Variants in CACNA1S observed in about 807,000 individuals in gnomAD.
CACNA1S encodes voltage-dependent L-type calcium channel subunit alpha-1S.
A neutral mutation model predicts 207.4 loss-of-function variants in CACNA1S; 126 were observed. The observed-to-expected ratio is 0.61, with a 90% confidence interval of 0.53 to 0.70. The LOEUF is 0.70. Among genes scored for constraint, CACNA1S ranks in the 30% least tolerant of loss-of-function variants. The pLI, the probability that CACNA1S is intolerant of heterozygous loss-of-function variation, is 0.00. For synonymous variants in CACNA1S, 960 were observed against 932.7 expected (o/e 1.03, Z -0.53); for missense variants, 2,349 against 2,422.8 (o/e 0.97, Z 0.64).
intron 27 of CACNA1S, 80 bp downstream of exon 27, chr1:201,059,109 G>T: frequency 1.1e-6 from 1 of 882,300 alleles, no homozygotes; most frequent in Non-Finnish European, 1.9e-6. Context: ...ATAGGATGAG[G>T]GATGGGGGTG....
At position 201,061,446 on chromosome 1, in the gene CACNA1S, A is replaced by C. The variant is rs1186406650; in HGVS notation, c.3076T>G (p.Ser1026Ala). 1 of 1,614,136 alleles carries C rather than the reference A, an allele frequency of 6.2e-7. No individual in the cohort carries two copies. Among genetic ancestry groups the C allele is most frequent in the East Asian group, 2.2e-5 (1 of 44,876 alleles). ...ATGGGACCCACGTCCTCCGCATTGG[A>C]GTCTATGGCCTTGTACAGCAGCCTG... is the stretch of plus-strand genomic sequence containing the variant. ...WPQLLYKAIDSNAEDVGPIYN... is the reference protein window; with the variant it reads ...WPQLLYKAIDANAEDVGPIYN... Residue 1026 changes from serine to alanine, a missense_variant, in exon 25 of 44, where the codon TCC (serine) becomes GCC (alanine). Physicochemically the swap from Ser to Ala is moderately conservative, Grantham distance 99. Coordinates refer to ENST00000362061, the MANE Select transcript of CACNA1S (RefSeq NM_000069.3).
chr1:201,091,539 G>T lies in CACNA1S; in HGVS notation c.694+101C>A, dbSNP rs762751971. 6.2e-6 allele frequency: 8 copies of T among 1,288,676 alleles called. No homozygotes were observed. The Admixed American group carries it at 1.3e-4, about 22-fold the overall frequency. The allele number at this position is 1,288,676 out of a possible 1,614,324, so 79.8% of individuals were successfully genotyped here. ...ATTCTCAAGGTCAACAGATGTGGGC[G>T]GCAATGGCTGAGCTCCGGGCTCCTT... On this transcript the variant is annotated intron_variant, in intron 5 of 43. Transcript: ENST00000362061.
At chr1:201,047,878 A>G (rs1300013671) in intron 36 of CACNA1S, among the ~76,000 whole-genome samples, 1 of 152,156 alleles carries the variant, frequency 6.6e-6, no homozygotes, top group Non-Finnish European at 1.5e-5. Flanking sequence ...GGTTGGTTTT[A>G]CAGGCTGTCA....
At chr1:201,069,058 C>T in intron 19 of CACNA1S, 79 bp downstream of exon 19, 1 of 1,261,136 alleles carries the variant, frequency 7.9e-7, no homozygotes, top group Non-Finnish European at 1.2e-6. Flanking sequence ...TTCTCTCCAG[C>T]CCCTGAGTTC....
In CACNA1S at chr1:201,110,217, C is replaced by A. The variant is rs1279858225; in HGVS notation, c.205G>T (p.Ala69Ser). 1.2e-6 allele frequency: 2 copies of A among 1,614,184 alleles called. No homozygotes were observed. The highest frequency in any genetic ancestry group is 1.7e-6 in the Non-Finnish European group (2 of 1,180,008). The change falls in exon 2 of 44, where the codon GCC (alanine) becomes TCC (serine). Residue 69 changes from alanine (A) to serine (S), a missense_variant. Transcript: ENST00000362061. Reference protein sequence around the residue: ...LTIFANCVALAVYLPMPEDDN... With the variant: ...LTIFANCVALSVYLPMPEDDN... Reference sequence around the variant, plus strand: ...TCTTCCGGCATGGGCAGGTACACGGCCAGGGCCACACAATTGGCAAAGATG... The same window carrying A: ...TCTTCCGGCATGGGCAGGTACACGGACAGGGCCACACAATTGGCAAAGATG...
At chr1:201,076,491 C>T (rs1176954490) in intron 12 of CACNA1S, among the ~76,000 whole-genome samples, 4 of 152,240 alleles carry the variant, frequency 2.6e-5, no homozygotes, top group East Asian at 3.8e-4. Context: ...GATAGTGAAT[C>T]GGCTGTGCCG....
chr1:201,051,135 G>T lies in CACNA1S; in HGVS notation c.3962C>A (p.Thr1321Lys), dbSNP rs775654393. The change falls in exon 33 of 44, where the codon ACA becomes AAA. Residue 1321 changes from threonine to lysine, a missense_variant. Coordinates refer to ENST00000362061, the MANE Select transcript of CACNA1S (RefSeq NM_000069.3). Reference protein sequence around the residue: ...QAVLLLFRCATGEAWQEILLA... With the variant: ...QAVLLLFRCAKGEAWQEILLA... The stretch of plus-strand genomic sequence containing the variant: ...TAGGATCTCCTGCCAGGCCTCACCT[G>T]TTGCACACCTAGAGGACAGAAGAGG... The T allele has an allele frequency of 5.6e-6, 9 of 1,614,086 alleles. No homozygotes were observed. Among genetic ancestry groups the T allele is most frequent in the Admixed American group, 5.0e-5 (3 of 60,002 alleles).
chr1:201,061,386 T>C lies in CACNA1S; in HGVS notation c.3136A>G (p.Ile1046Val). The change falls in exon 25 of 44, where the codon ATC (isoleucine) becomes GTC (valine). Residue 1046 changes from isoleucine to valine, a missense_variant. Coordinates refer to ENST00000362061, the MANE Select transcript of CACNA1S (RefSeq NM_000069.3). ...AAGGCAATGAGGATGATGTAGATGATGAAGAAGATGGCCATCTCCACACGG... is the reference window on the plus strand; with the variant it reads ...AAGGCAATGAGGATGATGTAGATGACGAAGAAGATGGCCATCTCCACACGG... ...NNRVEMAIFF[I>V]IYIILIAFFM... is the part of the protein sequence containing the mutation. 2 of 1,614,192 alleles carry C rather than the reference T, an allele frequency of 1.2e-6. No homozygotes were observed. The highest frequency in any genetic ancestry group is 1.7e-6 in the Non-Finnish European group (2 of 1,180,028).
Position 201,043,321 on chromosome 1 carries a change from A to T in CACNA1S, c.5008T>A (p.Tyr1670Asn), listed in dbSNP as rs146696748. ...CTGTTGCTATGGTTGCTGTTGCCAT[A>T]GGCGACATTGGCGTTGGCATTGTTG... Reference protein sequence around the residue: ...NTNNANANVAYGNSNHSNSHV... With the variant: ...NTNNANANVANGNSNHSNSHV... The change falls in exon 40 of 44, where the codon TAT becomes AAT. Residue 1670 changes from tyrosine to asparagine, a missense_variant. By Grantham distance (143) the Tyr-to-Asn change is moderately radical. Transcript: ENST00000362061. 1.9e-4 allele frequency: 306 copies of T among 1,614,104 alleles called. No individual in the cohort carries two copies. The highest frequency in any genetic ancestry group is 2.5e-4 in the Non-Finnish European group (297 of 1,180,034).
chr1:201,040,230 C>T lies in CACNA1S; in HGVS notation c.5370+1G>A, dbSNP rs774520663. On this transcript the variant is annotated splice_donor_variant, in intron 43 of 43. Transcript: ENST00000362061. LOFTEE classifies it high-confidence loss of function. Reference sequence around the variant, plus strand: ...CTGCTGTGACCCAGCCCCTGGCTCACCTTTTGGATCAGCAGGGCTGTAGCT... The same window carrying T: ...CTGCTGTGACCCAGCCCCTGGCTCATCTTTTGGATCAGCAGGGCTGTAGCT... 7 of 1,613,432 alleles carry T rather than the reference C, an allele frequency of 4.3e-6. No homozygotes were observed. In the South Asian group the frequency reaches 6.6e-5, roughly 15 times the overall value.
At chr1:201,079,143 C>G (rs1327314331) in intron 10 of CACNA1S, among the ~76,000 whole-genome samples, 2 of 151,116 alleles carry the variant, frequency 1.3e-5, no homozygotes, top group East Asian at 3.9e-4. Flanking sequence ...CAAAAAAACC[C>G]AAGACTCTCC....
intron 2 of CACNA1S, among the ~76,000 whole-genome samples, chr1:201,102,354 G>A (rs1662706414): frequency 1.3e-5 from 2 of 152,190 alleles, no homozygotes; most frequent in African/African-American, 4.8e-5. Context: ...GGAGGGCAAA[G>A]GTAGGGAAGG....
In CACNA1S at chr1:201,061,475, G is replaced by T. The variant is rs1310962234; in HGVS notation, c.3054-7C>A. 2 of 1,613,156 alleles carry T rather than the reference G, an allele frequency of 1.2e-6. No individual in the cohort carries two copies. The highest frequency in any genetic ancestry group is 1.7e-6 in the Non-Finnish European group (2 of 1,179,228). On this transcript the variant is annotated splice_region_variant and splice_polypyrimidine_tract_variant and intron_variant, in intron 24 of 43. Transcript: ENST00000362061. ...TATGGCCTTGTACAGCAGCCTGGGG[G>T]TGGGCAGAGAAGAGAGGACAGACTG...
chr1:201,096,342 G>A (rs1662432235), intron 2 of CACNA1S, among the ~76,000 whole-genome samples: 1 of 152,226 alleles, frequency 6.6e-6, no homozygotes, highest in African/African-American at 2.4e-5. Context: ...AGGGAAAAGG[G>A]ATGTGTCCCC....
At chr1:201,055,015 G>T (rs752681448) in intron 28 of CACNA1S, among the ~76,000 whole-genome samples, 6 of 152,160 alleles carry the variant, frequency 3.9e-5, no homozygotes, top group Admixed American at 1.3e-4. Flanking sequence ...ATCTCCCAGG[G>T]GCACAGCTCC....
At chr1:201,057,480 T>G (rs933577408) in intron 28 of CACNA1S, among the ~76,000 whole-genome samples, 1 of 152,250 alleles carries the variant, frequency 6.6e-6, no homozygotes, top group Admixed American at 6.5e-5. Context: ...TAGAGATTGA[T>G]TTATTTATTG....
chr1:201,051,063 G>A lies in CACNA1S; in HGVS notation c.4034C>T (p.Ala1345Val), dbSNP rs763153237. The A allele has an allele frequency of 6.2e-6, 10 of 1,614,048 alleles. No individual in the cohort carries two copies. The highest frequency in any genetic ancestry group is 7.6e-6 in the Non-Finnish European group (9 of 1,179,998). Residue 1345 changes from alanine (A) to valine (V), a missense_variant, in exon 33 of 44, where the codon GCC becomes GTC. Transcript: ENST00000362061. The part of the protein sequence containing the change: ...GKLCDPESDY[A>V]PGEEYTCGTN... ...GCCACATGTGTACTCCTCCCCTGGG[G>A]CATAGTCCGACTCTGGGTCACACAG...
In CACNA1S at chr1:201,083,293, A is replaced by C. The variant is rs748189916; in HGVS notation, c.1262T>G (p.Phe421Cys). The change falls in exon 10 of 44, where the codon TTT becomes TGT. Residue 421 changes from phenylalanine (F) to cysteine (C), a missense_variant. Physicochemically the swap from Phe to Cys is radical, Grantham distance 205. Coordinates refer to ENST00000362061, the MANE Select transcript of CACNA1S (RefSeq NM_000069.3). ...IRHWRQWNRI[F>C]RWKCHDIVKS... ...CACGATGTCATGGCACTTCCAGCGA[A>C]AGATGCGGTTCCACTGCCTCCAATG... 7.4e-6 allele frequency: 12 copies of C among 1,614,114 alleles called. No homozygotes were observed. The highest frequency in any genetic ancestry group is 9.3e-6 in the Non-Finnish European group (11 of 1,180,050).
Position 201,050,449 on chromosome 1 carries a change from A to G in CACNA1S, c.4181T>C (p.Leu1394Pro). Reference sequence around the variant, plus strand: ...GAACTCATCCAGGTGATGAGGGCCCAGGATGGACCAGTCCCGGGTGAGGTA... The same window carrying G: ...GAACTCATCCAGGTGATGAGGGCCCGGGATGGACCAGTCCCGGGTGAGGTA... ...FDYLTRDWSI[L>P]GPHHLDEFKA... Residue 1394 changes from leucine to proline, a missense_variant, in exon 34 of 44, where the codon CTG (leucine) becomes CCG (proline). Physicochemically the swap from Leu to Pro is moderately conservative, Grantham distance 98 (BLOSUM62 -3). Coordinates refer to ENST00000362061, the MANE Select transcript of CACNA1S (RefSeq NM_000069.3). 2.5e-6 allele frequency: 4 copies of G among 1,614,088 alleles called. No individual in the cohort carries two copies. The highest frequency in any genetic ancestry group is 3.4e-6 in the Non-Finnish European group (4 of 1,179,952).
Sources: gnomAD v4.1 joint callset for allele counts (sites outside exome capture counted in the v4.1 genomes callset) on GRCh38, gnomAD v4.1.1 for gene constraint, MANE v1.5 for transcripts, NCBI Gene and HGNC (gene_info 2026-07-23, HGNC 2026-07-21) for gene names.